The following INPP4B variants were observed in gnomAD, a reference collection of about 807,000 sequenced individuals.
The protein encoded by INPP4B is inositol polyphosphate-4-phosphatase type II B.
A neutral mutation model predicts 122.5 loss-of-function variants in INPP4B; 55 were observed. The observed-to-expected ratio is 0.45, with a 90% CI of 0.36 to 0.56. INPP4B has a LOEUF of 0.56. Ranked by LOEUF, INPP4B falls within the 20% of genes least tolerant of loss-of-function variation. INPP4B has a pLI of 0.00. For synonymous variants in INPP4B, 403 were observed against 388.7 expected (o/e 1.04, Z -0.43); for missense variants, 1,000 against 1,097.7 (o/e 0.91, Z 1.26).
At chr4:142,387,492 A>AAAAG (rs1554046716) in intron 7 of INPP4B, among the ~76,000 whole-genome samples, 30 of 150,540 alleles carry the variant, frequency 2.0e-4, no homozygotes, top group African/African-American at 5.4e-4. Context: ...AAAAAAAAAA[A>AAAAG]AAGAAAGAAA....
At chr4:142,391,561 C>T (rs1797674815) in intron 7 of INPP4B, among the ~76,000 whole-genome samples, 1 of 151,624 alleles carries the variant, frequency 6.6e-6, no homozygotes, top group Non-Finnish European at 1.5e-5. Flanking sequence ...GACTGTGTCT[C>T]AAAACAAACA....
At chr4:142,780,861 G>A (rs565777395) in intron 1 of INPP4B, among the ~76,000 whole-genome samples, 5 of 152,206 alleles carry the variant, frequency 3.3e-5, no homozygotes, top group East Asian at 3.9e-4. Context: ...GACTGAATCC[G>A]ATCTTAATAT....
intron 17 of INPP4B, 86 bp downstream of exon 17, chr4:142,160,271 TA>T: frequency 1.0e-6 from 1 of 989,766 alleles, no homozygotes; most frequent in Non-Finnish European, 1.4e-6. Context: ...TTCCATTTTT[TA>T]AAATGGAAAG....
At chr4:142,220,093 T>G (rs1464838521) in intron 12 of INPP4B, among the ~76,000 whole-genome samples, 2 of 152,240 alleles carry the variant, frequency 1.3e-5, no homozygotes, top group African/African-American at 4.8e-5. Flanking sequence ...CACAAATGAC[T>G]GAGAAGTACA....
intron 2 of INPP4B, among the ~76,000 whole-genome samples, chr4:142,704,263 T>C (rs1762191481): frequency 6.6e-6 from 1 of 152,130 alleles, no homozygotes; most frequent in African/African-American, 2.4e-5. Flanking sequence ...AAATAACGTA[T>C]TGGAAACATT....
chr4:142,721,779 C>T (rs1764723867), intron 2 of INPP4B, among the ~76,000 whole-genome samples: 2 of 152,082 alleles, frequency 1.3e-5, no homozygotes, highest in Non-Finnish European at 2.9e-5. Context: ...CGAGATCGCG[C>T]CACTGCACTC....
At position 142,145,988 on chromosome 4, in the gene INPP4B, C is replaced by A; in HGVS notation, c.1572G>T (p.Val524=). The change falls in exon 18 of 26, where the codon GTG becomes GTT. Residue 524 remains valine (V), a synonymous_variant. Coordinates refer to ENST00000262992, the MANE Select transcript of INPP4B (RefSeq NM_001101669.3). ...SDYDEEEWDR[V]WANVGKSLNC... ...TCAGGCTCTTCCCCACATTGGCCCA[C>A]ACCCTGTCCTGAAAAAAGCATGAGT... 1.9e-6 allele frequency: 3 copies of A among 1,611,514 alleles called. No homozygotes were observed. Among genetic ancestry groups the A allele is most frequent in the Non-Finnish European group, 2.5e-6 (3 of 1,178,612 alleles).
rs116501989 is a variant in INPP4B at position 142,780,916 on chromosome 4, G to A, written c.-253-55015C>T. 1.5e-4 allele frequency among the ~76,000 whole-genome samples: 23 copies of A among 152,172 alleles called. No individual in the cohort carries two copies. In the East Asian group the frequency reaches 3.3e-3, roughly 22 times the overall value. On this transcript the variant is annotated intron_variant, in intron 1 of 25. Transcript: ENST00000262992. ...GAAGCTATGTGATTGCTTCTTTTTC[G>A]GTTGTGAATATAAAATTAATGAGAA...
intron 2 of INPP4B, among the ~76,000 whole-genome samples, chr4:142,508,722 T>C (rs781461425): frequency 6.6e-6 from 1 of 152,222 alleles, no homozygotes; most frequent in Non-Finnish European, 1.5e-5. Context: ...CTTGATTATA[T>C]AAACCAGTGG....
chr4:142,192,003 T>C (rs2149343964), intron 15 of INPP4B, among the ~76,000 whole-genome samples: 1 of 152,152 alleles, frequency 6.6e-6, no homozygotes, highest in East Asian at 1.9e-4. Context: ...AAAAACAAAT[T>C]TTATATTTGA....
At chr4:142,176,308 T>C (rs189712377) in intron 15 of INPP4B, among the ~76,000 whole-genome samples, 1 of 151,896 alleles carries the variant, frequency 6.6e-6, no homozygotes, top group Non-Finnish European at 1.5e-5. Flanking sequence ...AATTTATAGA[T>C]TCAATGCCAT....
At chr4:142,530,003 T>A (rs1270372349) in intron 2 of INPP4B, among the ~76,000 whole-genome samples, 1 of 152,030 alleles carries the variant, frequency 6.6e-6, no homozygotes, top group African/African-American at 2.4e-5. Context: ...GAAAGCTACA[T>A]AGGAACATGC....
intron 7 of INPP4B, among the ~76,000 whole-genome samples, chr4:142,372,995 G>T (rs916233075): frequency 6.6e-6 from 1 of 152,064 alleles, no homozygotes; most frequent in African/African-American, 2.4e-5. Flanking sequence ...ACAGGGGCAT[G>T]TAGTGCACTT....
intron 2 of INPP4B, among the ~76,000 whole-genome samples, chr4:142,473,882 G>A (rs967416938): frequency 6.6e-6 from 1 of 152,170 alleles, no homozygotes; most frequent in African/African-American, 2.4e-5. Flanking sequence ...ATCCCGGGAA[G>A]CACCCAGATG....
At chr4:142,637,517 T>A (rs1052829543) in intron 2 of INPP4B, among the ~76,000 whole-genome samples, 1 of 152,240 alleles carries the variant, frequency 6.6e-6, no homozygotes, top group Non-Finnish European at 1.5e-5. Flanking sequence ...TGTATTGTCA[T>A]GGCTTGATAC....
intron 2 of INPP4B, among the ~76,000 whole-genome samples, chr4:142,508,261 A>G (rs1026450367): frequency 6.6e-6 from 1 of 152,126 alleles, no homozygotes; most frequent in African/African-American, 2.4e-5. Flanking sequence ...TAGCTAGTCC[A>G]GTGTTTAAAA....
At chr4:142,177,779 A>G (rs900442879) in intron 15 of INPP4B, among the ~76,000 whole-genome samples, 1 of 152,180 alleles carries the variant, frequency 6.6e-6, no homozygotes, top group Non-Finnish European at 1.5e-5. Flanking sequence ...AAAAAAATAT[A>G]AAGCACATAA....
intron 2 of INPP4B, among the ~76,000 whole-genome samples, chr4:142,503,361 C>T (rs976130355): frequency 6.6e-6 from 1 of 152,014 alleles, no homozygotes; most frequent in Non-Finnish European, 1.5e-5. Context: ...TTTAAAAAGC[C>T]TTTATCTTCT....
At chr4:142,254,213 T>A (rs1734300802) in intron 11 of INPP4B, among the ~76,000 whole-genome samples, 1 of 152,030 alleles carries the variant, frequency 6.6e-6, no homozygotes, top group Non-Finnish European at 1.5e-5. Context: ...TACATCACCA[T>A]CTTCAAAGAC....
Sources: gnomAD v4.1 joint callset for allele counts (sites outside exome capture counted in the v4.1 genomes callset) on GRCh38, gnomAD v4.1.1 for gene constraint, MANE v1.5 for transcripts, NCBI Gene and HGNC (gene_info 2026-07-23, HGNC 2026-07-21) for gene names.